The following SNED1 variants were observed in gnomAD, a reference collection of about 807,000 sequenced individuals.
SNED1 encodes sushi, nidogen and EGF-like domain-containing protein 1.
A neutral mutation model predicts 166.7 loss-of-function variants in SNED1; 81 were observed. The ratio of observed to expected loss-of-function variants is 0.49; its 90% CI spans 0.41 to 0.58. The LOEUF (loss-of-function observed/expected upper bound fraction) is 0.58. SNED1 is among the 20% of genes least tolerant of loss of function. The pLI is 0.00. For synonymous variants in SNED1, 762 were observed against 822.0 expected, an observed-to-expected ratio of 0.93 and a Z score of 1.25; for missense variants, 1,604 against 2,000.2, an observed-to-expected ratio of 0.80 and a Z score of 3.78.
chr2:241,062,702 C>T, intron 16 of SNED1, 89 bp from the exon 17 acceptor site: 4 of 844,056 alleles, frequency 4.7e-6, no homozygotes, highest in Non-Finnish European at 7.9e-6. Context: ...TCATCGAATT[C>T]TGTCTGGCCC....
chr2:241,086,353 C>T (rs928792371), intron 29 of SNED1, among the ~76,000 whole-genome samples: 6 of 62,026 alleles, frequency 9.7e-5, no homozygotes, highest in African/African-American at 5.6e-4. Flanking sequence ...CTGCATAGTT[C>T]CCTCCTCTTC....
Position 241,091,516 on chromosome 2 carries a change from G to T in SNED1, c.*2-122G>T, listed in dbSNP as rs10168882. ...GGTAGAATCCTGGTGCTCTAAGAAC[G>T]TGGGGTCCTCTGGGTGACAGAGGCC... On this transcript the variant is annotated intron_variant, in intron 31 of 31. Transcript: ENST00000310397. This position sits in a 1 kb window ranked among gnomAD's most constrained non-coding sequence, Gnocchi z 4.1. The T allele has an allele frequency of 6.6e-6, 1 of 150,724 alleles. No homozygotes were observed. The highest frequency in any genetic ancestry group is 1.5e-5 in the Non-Finnish European group (1 of 68,046). 9.3% of individuals were successfully genotyped at this position (150,724 alleles called of 1,614,324 possible).
chr2:241,057,667 G>A (rs1296821038), intron 16 of SNED1, among the ~76,000 whole-genome samples: 1 of 151,838 alleles, frequency 6.6e-6, no homozygotes, highest in Non-Finnish European at 1.5e-5. Context: ...CTGGGTGACA[G>A]CAAGACCCTG....
At chr2:241,023,228 T>G (rs1355724113) in intron 1 of SNED1, among the ~76,000 whole-genome samples, 1 of 152,192 alleles carries the variant, frequency 6.6e-6, no homozygotes, top group African/African-American at 2.4e-5. Flanking sequence ...ACTATAAATT[T>G]CCATTGAAGT....
chr2:241,067,307 C>T (rs1007196034), intron 21 of SNED1, among the ~76,000 whole-genome samples: 1 of 152,202 alleles, frequency 6.6e-6, no homozygotes, highest in Middle Eastern at 3.2e-3. Context: ...CACAAGTGGC[C>T]CCTTCCCTGC....
chr2:241,090,878 A>G lies in SNED1; in HGVS notation c.*2-760A>G, dbSNP rs117677175. 1.6e-3 allele frequency among the ~76,000 whole-genome samples: 237 copies of G among 152,044 alleles called. 4 individuals carry two copies. The East Asian group carries it at 0.042, about 27-fold the overall frequency. The stretch of plus-strand genomic sequence containing the variant: ...CAAGACCCTCTGTCTCAAAAAAAAA[A>G]AAAAAAGAAAAAAGAATTCTGTACG... On this transcript the variant is annotated intron_variant, in intron 31 of 31. Coordinates refer to ENST00000310397, the MANE Select transcript of SNED1 (RefSeq NM_001080437.3).
At chr2:241,081,134 G>A (rs1237251440) in intron 27 of SNED1, among the ~76,000 whole-genome samples, 3 of 152,228 alleles carry the variant, frequency 2.0e-5, no homozygotes, top group South Asian at 2.1e-4. Context: ...GGGTGCACAC[G>A]CATCCCTGGG....
intron 1 of SNED1, among the ~76,000 whole-genome samples, chr2:241,029,180 G>A (rs531113886): frequency 7.4e-4 from 113 of 152,344 alleles, no homozygotes; most frequent in South Asian, 4.6e-3. Context: ...TCATTCACCT[G>A]GGCCCAGCAC....
rs1159881694 is a variant in SNED1 at position 241,040,071 on chromosome 2, C to G, written c.1046-4C>G. The G allele has an allele frequency of 6.4e-7, 1 of 1,570,370 alleles. No individual in the cohort carries two copies. Among genetic ancestry groups the G allele is most frequent in the Non-Finnish European group, 8.6e-7 (1 of 1,157,034 alleles). ...ATCGTCCTGTCTACACCTCCTCACT[C>G]TAGCCCAATCCCCCTGTGACACCAA... On this transcript the variant is annotated splice_polypyrimidine_tract_variant and splice_region_variant and intron_variant, in intron 6 of 31. Transcript: ENST00000310397.
At chr2:241,043,267 G>T (rs1195340043) in intron 8 of SNED1, among the ~76,000 whole-genome samples, 1 of 152,076 alleles carries the variant, frequency 6.6e-6, no homozygotes, top group Admixed American at 6.5e-5. Flanking sequence ...AAAACAGCCA[G>T]AGGAAAAAGC....
At position 241,062,836 on chromosome 2, in the gene SNED1, G is replaced by A. The variant is rs1280429673; in HGVS notation, c.2303G>A (p.Cys768Tyr). 1.2e-6 allele frequency: 2 copies of A among 1,612,002 alleles called. No individual in the cohort carries two copies. The highest frequency in any genetic ancestry group is 2.7e-5 in the African/African-American group (2 of 74,934). Residue 768 changes from cysteine (C) to tyrosine (Y), a missense_variant, in exon 17 of 32, where the codon TGT (cysteine) becomes TAT (tyrosine). By Grantham distance (194) the Cys-to-Tyr change is radical. Around this residue, in one of 2 missense-constraint regions of SNED1, gnomAD observed 1,237 missense variants for 1,620.8 expected, o/e 0.76. Transcript: ENST00000310397. Reference sequence around the variant, plus strand: ...CAGCCGTGCCTGCATGGGGGCTCTTGTCAGGACCGCGTTGCTGGGTACCTG... The same window carrying A: ...CAGCCGTGCCTGCATGGGGGCTCTTATCAGGACCGCGTTGCTGGGTACCTG... Reference protein sequence around the residue: ...RSQPCLHGGSCQDRVAGYLCL... With the variant: ...RSQPCLHGGSYQDRVAGYLCL...
In SNED1 at chr2:241,091,271, T is replaced by C. The variant is rs2063961337; in HGVS notation, c.*2-367T>C. 6.6e-6 allele frequency among the ~76,000 whole-genome samples: 1 copy of C among 152,206 alleles called. No individual in the cohort carries two copies. The highest frequency in any genetic ancestry group is 1.5e-5 in the Non-Finnish European group (1 of 68,042). On this transcript the variant is annotated intron_variant, in intron 31 of 31. Transcript: ENST00000310397. This position sits in a 1 kb window ranked among gnomAD's most constrained non-coding sequence, Gnocchi z 4.1. ...TCAACCCAGAGCAACCTGACACAGCTGTGCCCTTGGAGAAAAGACCCAGAG... is the reference window on the plus strand; with the variant it reads ...TCAACCCAGAGCAACCTGACACAGCCGTGCCCTTGGAGAAAAGACCCAGAG...
At chr2:241,084,092 T>G (rs1440168053) in intron 29 of SNED1, among the ~76,000 whole-genome samples, 2 of 151,894 alleles carry the variant, frequency 1.3e-5, no homozygotes, top group African/African-American at 2.4e-5. Flanking sequence ...AATGTACCCT[T>G]AATTACTATT....
Position 240,999,053 on chromosome 2 carries a change from G to T in SNED1, c.213+3G>T. 1 of 1,302,262 alleles carries T rather than the reference G, an allele frequency of 7.7e-7. No individual in the cohort carries two copies. The allele number at this position is 1,302,262 out of a possible 1,614,324, so 80.7% of individuals were successfully genotyped here. A position where few individuals can be genotyped will look rare whatever the true frequency, so the allele number is the denominator to read the frequency against. On this transcript the variant is annotated splice_donor_region_variant and intron_variant, in intron 1 of 31. Coordinates refer to ENST00000310397, the MANE Select transcript of SNED1 (RefSeq NM_001080437.3). This position sits in a 1 kb window ranked among gnomAD's most constrained non-coding sequence, Gnocchi z 5.8. ...GTGCCGAGCACTCCGGACTCTACGT[G>T]AGTAACCCCCGGGCTCGCGGGGCGC... is the stretch of plus-strand genomic sequence containing the variant.
Position 241,064,193 on chromosome 2 carries a change from GCCCGCCCTCTGCCCGCCTGCTC to G in SNED1, c.2599+108_2599+129del, listed in dbSNP as rs1559284800. 3.2e-4 allele frequency: 343 copies of G among 1,072,412 alleles called. No homozygotes were observed. Among genetic ancestry groups the G allele is most frequent in the African/African-American group, 2.4e-3 (123 of 50,812 alleles). The allele number at this position is 1,072,412 out of a possible 1,614,324, so 66.4% of individuals were successfully genotyped here. On this transcript the variant is annotated intron_variant, in intron 19 of 31. Coordinates refer to ENST00000310397, the MANE Select transcript of SNED1 (RefSeq NM_001080437.3). This position sits in a 1 kb window ranked among gnomAD's most constrained non-coding sequence, Gnocchi z 7.0. ...GCTCCCCGCCCTCTGCCCGCCTGCT[GCCCGCCCTCTGCCCGCCTGCTC>G]CCCGCCCTCTGCCCGCCTGCTCCCC...
Position 240,998,808 on chromosome 2 carries a change from A to T in SNED1, c.-30A>T. ...TAGTCCCCCAGCGCCCTGCTCCGCC[A>T]GCGCCCCGTCCCGCCCGCACACCTC... On this transcript the variant is annotated 5_prime_UTR_variant, in exon 1 of 32. Transcript: ENST00000310397. The T allele has an allele frequency of 8.8e-7, 1 of 1,133,464 alleles. No individual in the cohort carries two copies. Among genetic ancestry groups the T allele is most frequent in the Admixed American group, 4.6e-5 (1 of 21,658 alleles). The allele number at this position is 1,133,464 out of a possible 1,614,324, so 70.2% of individuals were successfully genotyped here.
chr2:241,048,248 C>A, intron 8 of SNED1, 67 bp from the exon 9 acceptor site: 1 of 1,486,584 alleles, frequency 6.7e-7, no homozygotes, highest in Non-Finnish European at 8.9e-7. Flanking sequence ...GCCATTGGAG[C>A]TGGGCGGGGA....
chr2:241,007,244 A>G (rs1002904586), intron 1 of SNED1, among the ~76,000 whole-genome samples: 2 of 152,170 alleles, frequency 1.3e-5, no homozygotes, highest in Non-Finnish European at 2.9e-5. Flanking sequence ...TATCCTCCTG[A>G]GTTTTTGGTG....
At chr2:241,071,117 G>A (rs977075515) in intron 24 of SNED1, among the ~76,000 whole-genome samples, 6 of 152,328 alleles carry the variant, frequency 3.9e-5, no homozygotes, top group Admixed American at 1.3e-4. Context: ...GGAGGCTGAA[G>A]GACGCTGTTA....
Sources: allele counts gnomAD v4.1 joint callset (sites outside exome capture counted in the v4.1 genomes callset), GRCh38; gene constraint gnomAD v4.1.1; regional missense constraint gnomAD v4.1.1; non-coding constraint Gnocchi (gnomAD v3.1); transcripts MANE v1.5; gene names NCBI Gene and HGNC (gene_info 2026-07-23, HGNC 2026-07-21).